PPP1R9A: variants seen among roughly 807,000 people sequenced by gnomAD.
PPP1R9A encodes the protein neurabin-1.
PPP1R9A carries 59 observed loss-of-function variants against 141.9 expected under a neutral mutation model. The ratio of observed to expected loss-of-function variants is 0.42; its 90% CI spans 0.34 to 0.52. The LOEUF (loss-of-function observed/expected upper bound fraction) is 0.52, where lower values mean the gene tolerates loss of function less well. Among genes scored for constraint, PPP1R9A ranks in the 20% least tolerant of loss-of-function variants. The pLI is 0.10. For missense variants in PPP1R9A, 1,444 were observed against 1,611.9 expected, an observed-to-expected ratio of 0.90 and a Z score of 1.78; for synonymous variants, 500 against 569.7, an observed-to-expected ratio of 0.88 and a Z score of 1.74.
chr7:94,914,242 A>T (rs537715171), intron 2 of PPP1R9A, among the ~76,000 whole-genome samples: 1 of 152,238 alleles, frequency 6.6e-6, no homozygotes, highest in Non-Finnish European at 1.5e-5. Context: ...AATTCCTAGC[A>T]CCTTTAGTTT....
chr7:95,008,573 T>C (rs1447759881), intron 2 of PPP1R9A, among the ~76,000 whole-genome samples: 2 of 152,200 alleles, frequency 1.3e-5, no homozygotes, highest in African/African-American at 4.8e-5. Flanking sequence ...TTCAGGAACA[T>C]GAAGCTCCTT....
intron 8 of PPP1R9A, among the ~76,000 whole-genome samples, chr7:95,242,904 C>A (rs760733714): frequency 6.6e-5 from 10 of 152,120 alleles, no homozygotes; most frequent in Non-Finnish European, 1.0e-4. Context: ...CCCTGTTAAC[C>A]TTCTATCCCT....
At chr7:95,263,603 T>C (rs1800780991) in intron 12 of PPP1R9A, among the ~76,000 whole-genome samples, 2 of 152,108 alleles carry the variant, frequency 1.3e-5, no homozygotes, top group African/African-American at 4.8e-5. Flanking sequence ...TTTGTATTTT[T>C]AGTAGAGACA....
At chr7:94,970,437 A>G (rs895571337) in intron 2 of PPP1R9A, among the ~76,000 whole-genome samples, 6 of 152,182 alleles carry the variant, frequency 3.9e-5, no homozygotes, top group South Asian at 2.1e-4. Context: ...GGGAGAGGCA[A>G]TGCCCCAACC....
At chr7:95,238,747 A>G (rs1797051784) in intron 8 of PPP1R9A, among the ~76,000 whole-genome samples, 1 of 152,096 alleles carries the variant, frequency 6.6e-6, no homozygotes, top group Non-Finnish European at 1.5e-5. Context: ...TGTTTCTCTT[A>G]GGAATGTTTG....
chr7:95,133,570 G>A (rs1347818566), intron 4 of PPP1R9A, among the ~76,000 whole-genome samples: 2 of 144,728 alleles, frequency 1.4e-5, no homozygotes, highest in Non-Finnish European at 3.0e-5. Flanking sequence ...TGTTTTACGA[G>A]TATGTTGTTT....
intron 2 of PPP1R9A, among the ~76,000 whole-genome samples, chr7:95,045,143 G>A (rs1262215440): frequency 6.6e-6 from 1 of 152,070 alleles, no homozygotes; most frequent in African/African-American, 2.4e-5. Flanking sequence ...AAAGCTATAC[G>A]AATCTATGGC....
At chr7:95,032,953 T>C (rs1807887041) in intron 2 of PPP1R9A, among the ~76,000 whole-genome samples, 1 of 152,112 alleles carries the variant, frequency 6.6e-6, no homozygotes, top group Non-Finnish European at 1.5e-5. Context: ...AATAATATTA[T>C]TTAATGCATT....
intron 4 of PPP1R9A, among the ~76,000 whole-genome samples, chr7:95,146,590 A>G (rs962904100): frequency 5.9e-5 from 9 of 152,184 alleles, no homozygotes; most frequent in African/African-American, 1.9e-4. Context: ...GTCCTGAATC[A>G]TATTGCCTAG....
intron 2 of PPP1R9A, among the ~76,000 whole-genome samples, chr7:95,050,099 G>A (rs763127288): frequency 2.3e-4 from 35 of 152,162 alleles, no homozygotes; most frequent in Non-Finnish European, 3.7e-4. Context: ...CAAAGTGGCT[G>A]TACCAGCAAT....
chr7:95,197,830 G>C (rs557694318), intron 5 of PPP1R9A, among the ~76,000 whole-genome samples: 4 of 152,042 alleles, frequency 2.6e-5, no homozygotes, highest in Non-Finnish European at 5.9e-5. Flanking sequence ...TGTATTTTTA[G>C]TAGAGACGGG....
intron 17 of PPP1R9A, among the ~76,000 whole-genome samples, chr7:95,285,256 G>A (rs1805066086): frequency 6.6e-6 from 1 of 152,192 alleles, no homozygotes; most frequent in African/African-American, 2.4e-5. Context: ...AAATGCAATA[G>A]AAACAAGATG....
At chr7:94,950,472 G>A (rs560350310) in intron 2 of PPP1R9A, among the ~76,000 whole-genome samples, 1 of 151,888 alleles carries the variant, frequency 6.6e-6, no homozygotes. Context: ...TTAGCCCTTT[G>A]TTCTTCTGTG....
At chr7:94,979,411 C>T (rs1157432082) in intron 2 of PPP1R9A, among the ~76,000 whole-genome samples, 2 of 152,088 alleles carry the variant, frequency 1.3e-5, no homozygotes, top group Non-Finnish European at 2.9e-5. Context: ...GGAGATCTCT[C>T]AATGGGATTT....
At chr7:94,997,488 G>T (rs569584082) in intron 2 of PPP1R9A, among the ~76,000 whole-genome samples, 2 of 152,192 alleles carry the variant, frequency 1.3e-5, no homozygotes, top group African/African-American at 4.8e-5. Context: ...AGTGGGTCTG[G>T]TGACACCCCT....
chr7:95,231,459 G>A (rs191792017), intron 8 of PPP1R9A, among the ~76,000 whole-genome samples: 4 of 152,020 alleles, frequency 2.6e-5, no homozygotes, highest in East Asian at 3.9e-4. Flanking sequence ...TCTATTCATC[G>A]GCACATGGAA....
intron 2 of PPP1R9A, among the ~76,000 whole-genome samples, chr7:94,993,472 G>A (rs1801772306): frequency 6.6e-6 from 1 of 152,146 alleles, no homozygotes; most frequent in African/African-American, 2.4e-5. Context: ...TTTGGAATCT[G>A]TGAATCAATT....
intron 1 of PPP1R9A, chr7:94,908,466 G>C (rs1791048865): frequency 6.6e-6 from 1 of 152,142 alleles, no homozygotes; most frequent in Non-Finnish European, 1.5e-5. Flanking sequence ...TAGGACTTCA[G>C]GTGCTTCTTG....
intron 2 of PPP1R9A, among the ~76,000 whole-genome samples, chr7:94,997,029 C>T (rs1219722885): frequency 6.6e-6 from 1 of 152,082 alleles, no homozygotes; most frequent in Non-Finnish European, 1.5e-5. Flanking sequence ...GTCTCAAACT[C>T]CTGACCTCAG....
Sources: allele counts gnomAD v4.1 joint callset (sites outside exome capture counted in the v4.1 genomes callset), GRCh38; gene constraint gnomAD v4.1.1; transcripts MANE v1.5; gene names NCBI Gene and HGNC (gene_info 2026-07-23, HGNC 2026-07-21).